The following KLF13 variants were observed in gnomAD, a reference collection of about 807,000 sequenced individuals.
KLF13 encodes the protein KLF transcription factor 13.
KLF13 carries 8 observed loss-of-function variants against 16.7 expected under a neutral mutation model. The ratio of observed to expected loss-of-function variants is 0.48; its 90% confidence interval spans 0.28 to 0.87. The LOEUF is 0.87. Ranked by LOEUF, KLF13 falls within the 40% of genes least tolerant of loss-of-function variation. The pLI is 0.10. For missense variants in KLF13, 447 were observed against 452.2 expected (o/e 0.99, Z 0.10); for synonymous variants, 245 against 208.4 (o/e 1.18, Z -1.51).
chr15:31,336,070 C>T (rs949222519), intron 1 of KLF13, among the ~76,000 whole-genome samples: 3 of 152,342 alleles, frequency 2.0e-5, no homozygotes, highest in South Asian at 4.1e-4. Flanking sequence ...AGAGGAGCCA[C>T]GAGCTTCTCC....
chr15:31,372,345 C>T lies in KLF13; in HGVS notation c.*46C>T. On this transcript the variant is annotated 3_prime_UTR_variant, in exon 2 of 2. Coordinates refer to ENST00000307145, the MANE Select transcript of KLF13 (RefSeq NM_015995.4). Reference sequence around the variant, plus strand: ...GCCGCTCCCACCCCCTCGTGAGTCCCTGGCCTTTCCTTTTGTAATAAGAAA... The same window carrying T: ...GCCGCTCCCACCCCCTCGTGAGTCCTTGGCCTTTCCTTTTGTAATAAGAAA... 1 of 1,401,006 alleles carries T rather than the reference C, an allele frequency of 7.1e-7. No homozygotes were observed. The highest frequency in any genetic ancestry group is 9.3e-7 in the Non-Finnish European group (1 of 1,079,852). The allele number at this position is 1,401,006 out of a possible 1,614,324, so 86.8% of individuals were successfully genotyped here.
intron 2 of KLF13, chr15:31,403,295 A>C (rs1286110439): frequency 6.6e-6 from 1 of 152,260 alleles, no homozygotes; most frequent in Non-Finnish European, 1.5e-5. Context: ...ATAATCGATG[A>C]ATCATGACTC....
intron 1 of KLF13, among the ~76,000 whole-genome samples, chr15:31,415,827 A>G (rs1228728462): frequency 6.6e-6 from 1 of 152,054 alleles, no homozygotes; most frequent in Non-Finnish European, 1.5e-5. Context: ...GATGGACAAT[A>G]AAAATAATAG....
intron 1 of KLF13, among the ~76,000 whole-genome samples, chr15:31,424,117 G>T (rs376782969): frequency 3.7e-4 from 57 of 152,158 alleles, no homozygotes; most frequent in African/African-American, 1.3e-3. Flanking sequence ...ACCTAGAAAA[G>T]CCCAGGACCA....
intron 1 of KLF13, chr15:31,420,238 G>A: frequency 1.5e-6 from 1 of 665,500 alleles, no homozygotes; most frequent in African/African-American, 1.8e-5. Context: ...GACTACAGCA[G>A]GAGCTGATGA....
chr15:31,434,346 C>A (rs1003923728), intron 1 of KLF13, among the ~76,000 whole-genome samples: 1 of 152,120 alleles, frequency 6.6e-6, no homozygotes, highest in Non-Finnish European at 1.5e-5. Context: ...CAGGAAGGTG[C>A]ACAGAGGAGG....
chr15:31,351,923 A>T (rs1312991345), intron 1 of KLF13, among the ~76,000 whole-genome samples: 2 of 152,122 alleles, frequency 1.3e-5, no homozygotes, highest in Admixed American at 6.5e-5. Flanking sequence ...TGAGGCAGAG[A>T]ATTGCTTGAA....
intron 1 of KLF13, among the ~76,000 whole-genome samples, chr15:31,433,941 C>T (rs948044223): frequency 3.9e-5 from 6 of 152,184 alleles, no homozygotes; most frequent in African/African-American, 1.4e-4. Context: ...TCTTCTGGCC[C>T]CAGACCACCA....
intron 2 of KLF13, among the ~76,000 whole-genome samples, chr15:31,397,121 A>G (rs559159288): frequency 6.6e-6 from 1 of 152,020 alleles, no homozygotes; most frequent in African/African-American, 2.4e-5. Context: ...ACTTTGCCAC[A>G]GGAACATTTG....
At chr15:31,405,121 A>G (rs957415414), downstream of KLF13, among the ~76,000 whole-genome samples, 2 of 152,214 alleles carry the variant, frequency 1.3e-5, no homozygotes, top group Non-Finnish European at 2.9e-5. Context: ...TGACTAGGTC[A>G]TGCGAGCAGA....
rs1351156593 is a variant in KLF13, at chr15:31,423,128, TATACGTATAC to T, written n.118-12241_118-12232del. Among the ~76,000 whole-genome samples, 13 of 112,018 alleles carry T rather than the reference TATACGTATAC, an allele frequency of 1.2e-4. 2 individuals carry two copies. In the South Asian group the frequency reaches 1.2e-3, roughly 11 times the overall value. The allele number at this position is 112,018 out of a possible 152,430, so 73.5% of individuals were successfully genotyped here. On this transcript the variant is annotated intron_variant and non_coding_transcript_variant, in intron 1 of 1. Transcript: ENST00000558225. ...ATACGTATACGTATATATACGTATATATACGTATACGTATACGTATATATACGTATATATA... is the reference window on the plus strand; with the variant it reads ...ATACGTATACGTATATATACGTATATGTATACGTATATATACGTATATATA...
intron 1 of KLF13, among the ~76,000 whole-genome samples, chr15:31,354,072 C>G (rs1453077219): frequency 1.3e-5 from 2 of 152,244 alleles, no homozygotes; most frequent in Non-Finnish European, 2.9e-5. Context: ...GTGTGGAGGC[C>G]TCAGGCCTAT....
At chr15:31,340,007 G>A in intron 1 of KLF13, 1 of 702,414 alleles carries the variant, frequency 1.4e-6, no homozygotes, top group Non-Finnish European at 2.6e-6. Flanking sequence ...CAGGGAAGTG[G>A]CTTTGTTTAT....
chr15:31,346,102 T>G (rs920405677), intron 1 of KLF13, among the ~76,000 whole-genome samples: 3 of 151,906 alleles, frequency 2.0e-5, no homozygotes, highest in African/African-American at 7.3e-5. Context: ...GGCATATCTC[T>G]CAGGAGCCCC....
intron 1 of KLF13, among the ~76,000 whole-genome samples, chr15:31,347,194 T>G (rs899628863): frequency 6.6e-6 from 1 of 152,186 alleles, no homozygotes; most frequent in African/African-American, 2.4e-5. Flanking sequence ...AGCACCAGCC[T>G]TCCCAGAAAA....
At chr15:31,332,250 G>T (rs989465778) in intron 1 of KLF13, among the ~76,000 whole-genome samples, 6 of 152,190 alleles carry the variant, frequency 3.9e-5, no homozygotes, top group African/African-American at 1.4e-4. Flanking sequence ...GTTAGTCCCC[G>T]CTCTGAGGGA....
At chr15:31,332,325 A>T (rs2038847428) in intron 1 of KLF13, among the ~76,000 whole-genome samples, 1 of 152,230 alleles carries the variant, frequency 6.6e-6, no homozygotes, top group African/African-American at 2.4e-5. Context: ...CTCCTTTTGC[A>T]TGTGTGAGAA....
intron 1 of KLF13, among the ~76,000 whole-genome samples, chr15:31,331,984 G>A (rs117275442): frequency 0.027 from 4,144 of 152,338 alleles, 84 homozygotes; most frequent in Non-Finnish European, 0.037. Context: ...GGTATTCCAA[G>A]ATGTGGTTAT....
intron 1 of KLF13, among the ~76,000 whole-genome samples, chr15:31,361,522 G>C (rs879766850): frequency 1.3e-5 from 2 of 152,158 alleles, no homozygotes; most frequent in Non-Finnish European, 2.9e-5. Context: ...GCTTAGCAGG[G>C]TGGGGTCCCT....
Sources: allele counts gnomAD v4.1 joint callset (sites outside exome capture counted in the v4.1 genomes callset), GRCh38; gene constraint gnomAD v4.1.1; transcripts MANE v1.5; gene names NCBI Gene and HGNC (gene_info 2026-07-23, HGNC 2026-07-21).